The following TPTE2 variants were observed in gnomAD, a reference collection of about 807,000 sequenced individuals.
TPTE2 encodes phosphatidylinositol 3,4,5-trisphosphate 3-phosphatase TPTE2.
Under a neutral mutation model 78.6 loss-of-function variants are expected in TPTE2, and 53 were observed. The observed-to-expected ratio is 0.67, with a 90% CI of 0.54 to 0.85. The LOEUF is 0.85. TPTE2 is among the 40% of genes least tolerant of loss of function. The pLI, the probability that TPTE2 is intolerant of heterozygous loss-of-function variation, is 0.00. For synonymous variants in TPTE2, 175 were observed against 206.2 expected, an observed-to-expected ratio of 0.85 and a Z score of 1.30; for missense variants, 461 against 623.0, an observed-to-expected ratio of 0.74 and a Z score of 2.77.
At chr13:19,470,494 T>C (rs983267258) in intron 6 of TPTE2, among the ~76,000 whole-genome samples, 1 of 152,024 alleles carries the variant, frequency 6.6e-6, no homozygotes, top group African/African-American at 2.4e-5. Context: ...TTGGTTTTGG[T>C]TTTGGTTTTT....
At chr13:19,467,105 A>G in intron 7 of TPTE2, 120 bp downstream of exon 10, 1 of 1,242,640 alleles carries the variant, frequency 8.0e-7, no homozygotes, top group Non-Finnish European at 1.1e-6. Context: ...TTCATTTTAA[A>G]GCAATGTATT....
chr13:19,449,843 A>G (rs570678404), intron 13 of TPTE2, among the ~76,000 whole-genome samples: 12 of 152,230 alleles, frequency 7.9e-5, no homozygotes, highest in Admixed American at 6.5e-4. Context: ...AATATGCTCA[A>G]CCTTCCTTAG....
Position 19,512,923 on chromosome 13 carries a change from C to T in TPTE2, c.-43-9646G>A, listed in dbSNP as rs573529290. On this transcript the variant is annotated intron_variant, in intron 1 of 17. Transcript: ENST00000390680. ...CACCAGCATTTCCTTTTGTAGAATC[C>T]TTGGGCCATATTAAGGGTATTGTTA... is the stretch of plus-strand genomic sequence containing the variant. Among the ~76,000 whole-genome samples, 102 of 152,186 alleles carry T rather than the reference C, an allele frequency of 6.7e-4. 1 individual carries two copies. The highest frequency in any genetic ancestry group is 2.4e-3 in the African/African-American group (98 of 41,476).
chr13:19,543,272 C>T, the TPTE2 span, among the ~76,000 whole-genome samples: 3 of 151,742 alleles, frequency 2.0e-5, no homozygotes, highest in Admixed American at 6.6e-5. Context: ...AGGCTGGTCT[C>T]GAACTCCTGA....
chr13:19,556,622 C>T, the TPTE2 span, among the ~76,000 whole-genome samples: 1 of 152,080 alleles, frequency 6.6e-6, no homozygotes, highest in Non-Finnish European at 1.5e-5. Flanking sequence ...AAATTCTGGG[C>T]TCCAGTGATC....
intron 13 of TPTE2, among the ~76,000 whole-genome samples, chr13:19,448,615 G>C (rs1243654905): frequency 6.6e-6 from 1 of 152,088 alleles, no homozygotes; most frequent in Non-Finnish European, 1.5e-5. Flanking sequence ...ACCACAAAGA[G>C]ATATCCTCAC....
At chr13:19,541,244 T>C (rs1215827226), upstream of TPTE2, among the ~76,000 whole-genome samples, 3 of 152,204 alleles carry the variant, frequency 2.0e-5, no homozygotes, top group African/African-American at 7.2e-5. Flanking sequence ...CAAGCAGTCT[T>C]CTATAACATA....
the TPTE2 span, among the ~76,000 whole-genome samples, chr13:19,553,859 G>A: frequency 6.6e-6 from 1 of 152,116 alleles, no homozygotes; most frequent in Non-Finnish European, 1.5e-5. Context: ...ATTATAACTG[G>A]CAGTTTCATG....
chr13:19,538,090 G>GT (rs538155999), upstream of TPTE2, among the ~76,000 whole-genome samples: 1,018 of 152,204 alleles, frequency 6.7e-3, 8 homozygotes, highest in African/African-American at 0.022. Context: ...TTCACTCTTG[G>GT]TTTTGCCTTT....
At chr13:19,453,001 T>TTTTATTTTA (rs2137535355) in intron 10 of TPTE2, among the ~76,000 whole-genome samples, 3 of 72,840 alleles carry the variant, frequency 4.1e-5, no homozygotes, top group Admixed American at 3.0e-4. Context: ...TTTTATTTTA[T>TTTTATTTTA]TTTATTTTAT....
chr13:19,447,889 A>T (rs1593360517), intron 13 of TPTE2, among the ~76,000 whole-genome samples: 1 of 152,160 alleles, frequency 6.6e-6, no homozygotes, highest in Non-Finnish European at 1.5e-5. Context: ...ATTCCAGCAT[A>T]ATTTTTGAAA....
intron 3 of TPTE2, 72 bp from the exon 7 acceptor site, chr13:19,482,619 T>C: frequency 1.3e-6 from 2 of 1,569,842 alleles, no homozygotes; most frequent in South Asian, 1.1e-5. Flanking sequence ...ATGAAAAATA[T>C]ATTTGAATAA....
chr13:19,430,510 C>A lies in TPTE2; in HGVS notation c.1260G>T (p.Glu420Asp), dbSNP rs748921529. Residue 420 changes from glutamate (E) to aspartate (D), a missense_variant, in exon 17 of 20, where the codon GAG becomes GAT. Transcript: ENST00000400230. ...AAGTACTGGAAAAGACAACCTTTTT[C>A]TCCATTACTACTTGGACTTTTAGAT... 21 of 1,610,778 alleles carry A rather than the reference C, an allele frequency of 1.3e-5. No individual in the cohort carries two copies. The highest frequency in any genetic ancestry group is 1.7e-5 in the Non-Finnish European group (20 of 1,179,128).
At chr13:19,465,150 G>A in intron 9 of TPTE2, 105 bp downstream of exon 12, 1 of 1,419,368 alleles carries the variant, frequency 7.0e-7, no homozygotes. Context: ...ATATTCTCAA[G>A]AATAAAGAAT....
intron 1 of TPTE2, 152 bp from the exon 5 acceptor site, chr13:19,493,653 CT>C: frequency 1.3e-6 from 1 of 758,190 alleles, no homozygotes; most frequent in Non-Finnish European, 2.3e-6. Context: ...GTCTATTTTT[CT>C]TTATTAGAAA....
intron 1 of TPTE2, among the ~76,000 whole-genome samples, chr13:19,498,247 TC>T (rs1183065136): frequency 6.6e-6 from 1 of 151,848 alleles, no homozygotes; most frequent in Non-Finnish European, 1.5e-5. Context: ...CAGGAGAACT[TC>T]CCCAATCTAG....
intron 10 of TPTE2, among the ~76,000 whole-genome samples, chr13:19,454,614 T>C (rs971252999): frequency 2.0e-5 from 3 of 152,204 alleles, no homozygotes; most frequent in African/African-American, 7.2e-5. Context: ...TTACCTCCTT[T>C]TGGGATACTC....
At chr13:19,475,926 G>A (rs1333214684) in intron 4 of TPTE2, among the ~76,000 whole-genome samples, 2 of 152,154 alleles carry the variant, frequency 1.3e-5, no homozygotes, top group African/African-American at 2.4e-5. Flanking sequence ...AACTCAAGGA[G>A]TATAGCATGA....
At chr13:19,431,797 C>A (rs1254260136) in intron 16 of TPTE2, among the ~76,000 whole-genome samples, 2 of 138,414 alleles carry the variant, frequency 1.4e-5, no homozygotes, top group South Asian at 2.5e-4. Flanking sequence ...GCACCTATAG[C>A]ACCCAGCACT....
Sources: gnomAD v4.1 joint callset for allele counts (sites outside exome capture counted in the v4.1 genomes callset) on GRCh38, gnomAD v4.1.1 for gene constraint, MANE v1.5 for transcripts, NCBI Gene and HGNC (gene_info 2026-07-23, HGNC 2026-07-21) for gene names.